Variants in CSMD1 observed in about 807,000 individuals in gnomAD.
The protein encoded by CSMD1 is CUB and sushi domain-containing protein 1.
In CSMD1, 213 loss-of-function variants were observed where a neutral mutation model predicts 417.5. The observed-to-expected ratio is 0.51, with a 90% CI of 0.46 to 0.57. The LOEUF is 0.57. CSMD1 is among the 20% of genes least tolerant of loss of function. CSMD1 has a pLI of 0.00. For synonymous variants in CSMD1, 2,862 were observed against 1,736.8 expected (o/e 1.65, Z -16.11); for missense variants, 6,923 against 4,529.7 (o/e 1.53, Z -15.17).
intron 5 of CSMD1, among the ~76,000 whole-genome samples, chr8:3,765,555 T>C (rs1436265730): frequency 1.3e-5 from 2 of 152,236 alleles, no homozygotes; most frequent in Non-Finnish European, 1.5e-5. Context: ...CTGTATGCAC[T>C]AAAGCCTTAA....
At chr8:4,541,693 C>A (rs1457517721) in intron 2 of CSMD1, among the ~76,000 whole-genome samples, 1 of 152,020 alleles carries the variant, frequency 6.6e-6, no homozygotes, top group African/African-American at 2.4e-5. Context: ...CAAGATCTTA[C>A]CACTGCATTC....
chr8:3,540,566 A>G (rs1036994454), intron 10 of CSMD1, among the ~76,000 whole-genome samples: 1 of 152,242 alleles, frequency 6.6e-6, no homozygotes, highest in East Asian at 1.9e-4. Flanking sequence ...TCTGCACGAC[A>G]AAAGAAACTA....
At chr8:4,112,202 C>A (rs1036886067) in intron 3 of CSMD1, among the ~76,000 whole-genome samples, 1 of 152,098 alleles carries the variant, frequency 6.6e-6, no homozygotes, top group Non-Finnish European at 1.5e-5. Flanking sequence ...TTATCAAGAA[C>A]CAGTAACACC....
At chr8:3,010,737 T>C (rs1054773704) in intron 52 of CSMD1, among the ~76,000 whole-genome samples, 47 of 151,816 alleles carry the variant, frequency 3.1e-4, no homozygotes, top group African/African-American at 1.1e-3. Context: ...GCCATTATTC[T>C]ATTCCCAACT....
At chr8:3,643,805 G>C (rs763568497) in intron 7 of CSMD1, among the ~76,000 whole-genome samples, 2 of 151,824 alleles carry the variant, frequency 1.3e-5, no homozygotes, top group Non-Finnish European at 2.9e-5. Flanking sequence ...GAGAAGGGGA[G>C]GAATCAAACC....
At chr8:3,468,468 T>G (rs767037767) in intron 12 of CSMD1, among the ~76,000 whole-genome samples, 8 of 152,184 alleles carry the variant, frequency 5.3e-5, no homozygotes, top group Non-Finnish European at 5.9e-5. Flanking sequence ...CACCTAATAC[T>G]TCACCTCACT....
At chr8:4,065,894 CA>C (rs1485548955) in intron 3 of CSMD1, among the ~76,000 whole-genome samples, 1 of 152,052 alleles carries the variant, frequency 6.6e-6, no homozygotes, top group Non-Finnish European at 1.5e-5. Flanking sequence ...AAAGACTGCT[CA>C]AAGAAGAACA....
intron 8 of CSMD1, among the ~76,000 whole-genome samples, chr8:3,603,510 G>C (rs904452704): frequency 2.6e-5 from 4 of 152,064 alleles, no homozygotes; most frequent in Non-Finnish European, 4.4e-5. Context: ...CTAGACAAGA[G>C]AGTAAAAATC....
In CSMD1 at chr8:4,795,252, C is replaced by CTTTTTTTTTTTTTTTT. The variant is rs571984359; in HGVS notation, c.86-157710_86-157695dup. ...ATTTCTAGGTCTGCTGGTGTCATAG[C>CTTTTTTTTTTTTTTTT]TTTTTTTTTTTTTTTTTTTTTTTTT... On this transcript the variant is annotated intron_variant, in intron 1 of 69. Coordinates refer to ENST00000635120, the MANE Select transcript of CSMD1 (RefSeq NM_033225.6). Among the ~76,000 whole-genome samples the CTTTTTTTTTTTTTTTT allele has an allele frequency of 1.6e-3, 73 of 46,246 alleles. 12 individuals are homozygous for CTTTTTTTTTTTTTTTT. Among genetic ancestry groups the CTTTTTTTTTTTTTTTT allele is most frequent in the East Asian group, 3.6e-3 (5 of 1,386 alleles). 30.3% of individuals were successfully genotyped at this position (46,246 alleles called of 152,430 possible). A position where few individuals can be genotyped will look rare whatever the true frequency, so the allele number is the denominator to read the frequency against.
chr8:3,766,741 A>C (rs1251007925), intron 5 of CSMD1, among the ~76,000 whole-genome samples: 1 of 152,200 alleles, frequency 6.6e-6, no homozygotes, highest in Non-Finnish European at 1.5e-5. Flanking sequence ...TATTTTTAGC[A>C]TACATATTCT....
chr8:4,927,504 T>C (rs907516377), intron 1 of CSMD1, among the ~76,000 whole-genome samples: 14 of 152,182 alleles, frequency 9.2e-5, no homozygotes, highest in Admixed American at 2.6e-4. Flanking sequence ...AGCTCTGCGA[T>C]GCCAGTCCTT....
intron 1 of CSMD1, among the ~76,000 whole-genome samples, chr8:4,657,767 G>A (rs183084432): frequency 6.8e-6 from 1 of 147,938 alleles, no homozygotes; most frequent in East Asian, 2.0e-4. Flanking sequence ...ATTTGAATTA[G>A]TAGAAAAAGA....
intron 52 of CSMD1, among the ~76,000 whole-genome samples, chr8:3,012,230 C>T (rs1808444217): frequency 6.6e-6 from 1 of 152,182 alleles, no homozygotes; most frequent in South Asian, 2.1e-4. Flanking sequence ...CAAGGTTCTT[C>T]TTAGAATCCA....
chr8:3,442,577 G>A (rs1195143880), intron 12 of CSMD1, among the ~76,000 whole-genome samples: 2 of 152,146 alleles, frequency 1.3e-5, no homozygotes, highest in Non-Finnish European at 2.9e-5. Context: ...GGAACAATAG[G>A]CTGTACCATA....
chr8:3,030,764 A>C (rs634533), intron 50 of CSMD1, among the ~76,000 whole-genome samples: 6,503 of 152,116 alleles, frequency 0.043, 485 homozygotes, highest in African/African-American at 0.15. Context: ...GGATTACAGG[A>C]ATCAGCCACT....
chr8:4,532,022 G>A (rs13277662), intron 2 of CSMD1, among the ~76,000 whole-genome samples: 22 of 109,424 alleles, frequency 2.0e-4, no homozygotes, highest in Non-Finnish European at 3.8e-4. Flanking sequence ...CTCCGGAAGA[G>A]AAATCCTGCA....
At chr8:4,347,196 T>G (rs1800821967) in intron 3 of CSMD1, among the ~76,000 whole-genome samples, 1 of 152,108 alleles carries the variant, frequency 6.6e-6, no homozygotes, top group Admixed American at 6.6e-5. Flanking sequence ...CCTAACTTAT[T>G]AATCTTGAGT....
intron 5 of CSMD1, among the ~76,000 whole-genome samples, chr8:3,916,297 T>G (rs1182182287): frequency 6.6e-6 from 1 of 152,048 alleles, no homozygotes; most frequent in Non-Finnish European, 1.5e-5. Context: ...TCATATAAAA[T>G]CACCTGGTTC....
At chr8:3,709,275 C>T (rs1051406385) in intron 6 of CSMD1, among the ~76,000 whole-genome samples, 2 of 151,576 alleles carry the variant, frequency 1.3e-5, no homozygotes, top group African/African-American at 2.4e-5. Context: ...CCAGTGGAAA[C>T]ATTTCTGAGG....
Sources: allele counts gnomAD v4.1 joint callset (sites outside exome capture counted in the v4.1 genomes callset), GRCh38; gene constraint gnomAD v4.1.1; transcripts MANE v1.5; gene names NCBI Gene and HGNC (gene_info 2026-07-23, HGNC 2026-07-21).